Variants in DMD observed in about 807,000 individuals in gnomAD.
DMD encodes dystrophin.
In DMD, 63 loss-of-function variants were observed where a neutral mutation model predicts 330.1. That is an observed-to-expected ratio of 0.19 (90% CI 0.16 to 0.24). The LOEUF (loss-of-function observed/expected upper bound fraction) is 0.24, where lower values mean the gene tolerates loss of function less well. DMD is among the 10% of genes least tolerant of loss of function. The probability of loss-of-function intolerance (pLI) is 1.00; values close to 1 mark genes in which losing one functional copy is unlikely to be tolerated. For synonymous variants in DMD, 1,223 were observed against 959.8 expected (o/e 1.27, Z -5.07); for missense variants, 3,344 against 2,684.1 (o/e 1.25, Z -5.43).
intron 30 of DMD, among the ~76,000 whole-genome samples, chrX:32,393,943 C>T (rs757210205): frequency 5.9e-4 from 65 of 110,914 alleles, no homozygotes; most frequent in African/African-American, 1.8e-3. Flanking sequence ...AAGTGGATGA[C>T]GAGAGCAGAA....
At chrX:32,676,822 T>C (rs1019337742) in intron 9 of DMD, among the ~76,000 whole-genome samples, 2 of 111,444 alleles carry the variant, frequency 1.8e-5, no homozygotes, top group Non-Finnish European at 3.8e-5. Flanking sequence ...TATTTTATAG[T>C]GTACTATTTA....
At chrX:32,461,075 G>A (rs1427442800) in intron 25 of DMD, among the ~76,000 whole-genome samples, 2 of 111,374 alleles carry the variant, frequency 1.8e-5, no homozygotes, top group East Asian at 2.8e-4. Context: ...GGATGTGAAA[G>A]CATCTTCAAA....
At chrX:31,222,154 C>T (rs767522350) in intron 64 of DMD, among the ~76,000 whole-genome samples, 33 of 109,218 alleles carry the variant, frequency 3.0e-4, no homozygotes, top group African/African-American at 1.1e-3. Context: ...CTAGAACGCG[C>T]CACTGCACTC....
chrX:33,180,588 A>C (rs2049941757), intron 1 of DMD, among the ~76,000 whole-genome samples: 1 of 111,155 alleles, frequency 9.0e-6, no homozygotes, highest in Admixed American at 9.6e-5. Context: ...CCTCTCTGAC[A>C]GTTTTGGGTT....
At chrX:32,965,463 C>T (rs1272749641) in intron 2 of DMD, among the ~76,000 whole-genome samples, 3 of 93,660 alleles carry the variant, frequency 3.2e-5, no homozygotes, top group African/African-American at 4.1e-5. Flanking sequence ...CACTGCACTC[C>T]AGCCTGGGTG....
Position 32,990,525 on chromosome X carries a change from G to T in DMD, c.93+29614C>A, listed in dbSNP as rs746253925. 8.0e-5 allele frequency among the ~76,000 whole-genome samples: 9 copies of T among 111,935 alleles called. No individual in the cohort carries two copies. The South Asian group carries it at 3.3e-3, about 41-fold the overall frequency. On this transcript the variant is annotated intron_variant, in intron 2 of 78. Coordinates refer to ENST00000357033, the MANE Select transcript of DMD (RefSeq NM_004006.3). Reference sequence around the variant, plus strand: ...AAAATGCTAATCCAAAATAATAAGGGCCATTTAAGAGAAGTTATTGAGTTG... The same window carrying T: ...AAAATGCTAATCCAAAATAATAAGGTCCATTTAAGAGAAGTTATTGAGTTG...
At chrX:31,375,507 G>T (rs1007625156) in intron 60 of DMD, among the ~76,000 whole-genome samples, 1 of 111,459 alleles carries the variant, frequency 9.0e-6, no homozygotes, top group African/African-American at 3.3e-5. Context: ...GTTGTGCTGG[G>T]AATAAAACGA....
intron 17 of DMD, among the ~76,000 whole-genome samples, chrX:32,519,808 G>T (rs1013430600): frequency 1.8e-5 from 2 of 111,824 alleles, no homozygotes; most frequent in African/African-American, 6.5e-5. Context: ...TTTGTTGCAG[G>T]CTATTGTTTA....
At chrX:33,050,036 A>G (rs2094438038) in intron 1 of DMD, among the ~76,000 whole-genome samples, 1 of 111,881 alleles carries the variant, frequency 8.9e-6, no homozygotes, top group African/African-American at 3.2e-5. Flanking sequence ...TTTTCTCTTA[A>G]CAGACATTTA....
chrX:32,640,425 G>C (rs768657387), intron 11 of DMD, among the ~76,000 whole-genome samples: 38 of 109,936 alleles, frequency 3.5e-4, no homozygotes, highest in African/African-American at 1.2e-3. Context: ...AGGCAAACTG[G>C]AGAGGATTTT....
intron 26 of DMD, among the ~76,000 whole-genome samples, chrX:32,452,621 T>A (rs1284274614): frequency 9.0e-6 from 1 of 110,803 alleles, no homozygotes; most frequent in African/African-American, 3.3e-5. Flanking sequence ...ATCTGGGAAT[T>A]GCAGTTTTCT....
chrX:33,080,098 C>T (rs1179475907), intron 1 of DMD, among the ~76,000 whole-genome samples: 1 of 112,452 alleles, frequency 8.9e-6, no homozygotes, highest in Non-Finnish European at 1.9e-5. Context: ...AGGTGACATT[C>T]TCATAAACTT....
intron 41 of DMD, among the ~76,000 whole-genome samples, chrX:32,335,891 A>G (rs188275675): frequency 2.1e-4 from 22 of 105,464 alleles, no homozygotes; most frequent in Non-Finnish European, 3.1e-4. Flanking sequence ...GTTATATATA[A>G]CATGTTATAC....
intron 56 of DMD, among the ~76,000 whole-genome samples, chrX:31,505,985 G>A (rs1263172547): frequency 9.0e-6 from 1 of 111,006 alleles, no homozygotes; most frequent in Admixed American, 9.6e-5. Flanking sequence ...GTGACCCTAA[G>A]GAAATTATTT....
chrX:32,411,946 A>G (rs369768865), intron 29 of DMD, 33 bp from the exon 30 acceptor site: 1 of 1,202,671 alleles, frequency 8.3e-7, no homozygotes, highest in Non-Finnish European at 1.1e-6. Flanking sequence ...TATCAGTTAA[A>G]TGTTTACTCT....
intron 43 of DMD, among the ~76,000 whole-genome samples, chrX:32,248,810 T>A (rs974952550): frequency 9.0e-5 from 10 of 111,146 alleles, no homozygotes; most frequent in Admixed American, 6.8e-4. Flanking sequence ...TCTAGAATTA[T>A]CAGGATTTTA....
At chrX:32,947,306 T>C (rs1228886880) in intron 2 of DMD, among the ~76,000 whole-genome samples, 4 of 112,149 alleles carry the variant, frequency 3.6e-5, no homozygotes, top group Admixed American at 9.5e-5. Flanking sequence ...AACTCAAGAA[T>C]TAAAAAAATA....
At chrX:31,231,001 T>C (rs1260563401) in intron 63 of DMD, among the ~76,000 whole-genome samples, 1 of 111,576 alleles carries the variant, frequency 9.0e-6, no homozygotes, top group Non-Finnish European at 1.9e-5. Flanking sequence ...GGGGGAGAAC[T>C]GTGTATCTTA....
At chrX:31,122,838 C>T (rs975374579) in intron 78 of DMD, among the ~76,000 whole-genome samples, 2 of 111,800 alleles carry the variant, frequency 1.8e-5, no homozygotes, top group Non-Finnish European at 3.8e-5. Context: ...TCCCTGGGTA[C>T]TTCGTAGCAA....
Sources: gnomAD v4.1 joint callset for allele counts (sites outside exome capture counted in the v4.1 genomes callset) on GRCh38, gnomAD v4.1.1 for gene constraint, MANE v1.5 for transcripts, NCBI Gene and HGNC (gene_info 2026-07-23, HGNC 2026-07-21) for gene names.